Variants in STYK1 observed in about 807,000 individuals in gnomAD.
The protein encoded by STYK1 is STY kinase 1, also known as tyrosine-protein kinase STYK1.
A neutral mutation model predicts 48.1 loss-of-function variants in STYK1; 46 were observed. The ratio of observed to expected loss-of-function variants is 0.96; its 90% CI spans 0.75 to 1.22. The LOEUF is 1.22. Among genes scored for constraint, STYK1 ranks in the 50% most tolerant of loss-of-function variants. The pLI is 0.00. For missense variants in STYK1, 527 were observed against 521.1 expected (o/e 1.01, Z -0.11); for synonymous variants, 188 against 189.0 (o/e 0.99, Z 0.04).
intron 5 of STYK1, 76 bp from the exon 6 acceptor site, chr12:10,629,750 A>G (rs1947401782): frequency 1.9e-6 from 3 of 1,554,894 alleles, no homozygotes; most frequent in Non-Finnish European, 2.6e-6. Context: ...GCAGGAGGCA[A>G]CTTAAGATGT....
intron 1 of STYK1, among the ~76,000 whole-genome samples, chr12:10,645,971 T>C (rs992908042): frequency 1.3e-5 from 2 of 152,234 alleles, no homozygotes; most frequent in Middle Eastern, 3.2e-3. Context: ...TTGTTGCTCC[T>C]TGCCTTCCAC....
intron 1 of STYK1, among the ~76,000 whole-genome samples, chr12:10,649,678 G>T (rs1351134710): frequency 6.6e-6 from 1 of 152,130 alleles, no homozygotes; most frequent in Admixed American, 6.5e-5. Context: ...AAGGAAGAAA[G>T]GCTACAAGGC....
At chr12:10,654,303 A>G (rs918155821) in intron 1 of STYK1, among the ~76,000 whole-genome samples, 5 of 152,202 alleles carry the variant, frequency 3.3e-5, no homozygotes, top group Admixed American at 3.3e-4. Context: ...AGTAGCCCAC[A>G]CTGCTGCTCT....
At chr12:10,626,197 G>A (rs1426469881) in intron 7 of STYK1, among the ~76,000 whole-genome samples, 7 of 152,148 alleles carry the variant, frequency 4.6e-5, no homozygotes, top group Non-Finnish European at 7.4e-5. Context: ...CTTTGAGCTT[G>A]TTAAAAGTAA....
At chr12:10,644,277 A>G (rs1395620511) in intron 1 of STYK1, among the ~76,000 whole-genome samples, 2 of 152,226 alleles carry the variant, frequency 1.3e-5, no homozygotes, top group African/African-American at 4.8e-5. Flanking sequence ...ACATGAGTCT[A>G]TACATGTGAT....
At chr12:10,633,121 G>C (rs1416255821) in intron 4 of STYK1, among the ~76,000 whole-genome samples, 2 of 152,160 alleles carry the variant, frequency 1.3e-5, no homozygotes, top group Non-Finnish European at 2.9e-5. Flanking sequence ...AGTTTTTTCA[G>C]TATTTCAAGA....
intron 1 of STYK1, among the ~76,000 whole-genome samples, chr12:10,647,831 C>A (rs1248487324): frequency 6.6e-6 from 1 of 152,116 alleles, no homozygotes; most frequent in African/African-American, 2.4e-5. Flanking sequence ...AGGGGAGTTT[C>A]CCTGCACAAG....
intron 7 of STYK1, among the ~76,000 whole-genome samples, chr12:10,625,249 G>A (rs970690500): frequency 4.6e-5 from 7 of 151,558 alleles, no homozygotes; most frequent in African/African-American, 1.2e-4. Context: ...AGACAGTCTC[G>A]CTCTGTCACC....
intron 1 of STYK1, among the ~76,000 whole-genome samples, chr12:10,649,643 A>G (rs1416890019): frequency 6.6e-6 from 1 of 152,214 alleles, no homozygotes; most frequent in African/African-American, 2.4e-5. Flanking sequence ...ATTAAGCCTT[A>G]GTTATTTTAT....
chr12:10,663,452 A>T (rs751506582), intron 1 of STYK1, among the ~76,000 whole-genome samples: 24 of 151,904 alleles, frequency 1.6e-4, no homozygotes, highest in Non-Finnish European at 2.9e-4. Flanking sequence ...ACAAAAAATT[A>T]GCCAGGCGCG....
At position 10,672,912 on chromosome 12, in the gene STYK1, G is replaced by C. The variant is rs1000909256; in HGVS notation, c.-195+1054C>G. Reference sequence around the variant, plus strand: ...CAGTGGAGATTCCGGTGCATTGAGGGGGAAAAACCAGGTAGACAGCACAGA... The same window carrying C: ...CAGTGGAGATTCCGGTGCATTGAGGCGGAAAAACCAGGTAGACAGCACAGA... On this transcript the variant is annotated intron_variant, in intron 1 of 10. Transcript: ENST00000075503. This position sits in a 1 kb window ranked among gnomAD's most constrained non-coding sequence, Gnocchi z 4.0. 2.6e-5 allele frequency among the ~76,000 whole-genome samples: 4 copies of C among 152,046 alleles called. No homozygotes were observed. Among genetic ancestry groups the C allele is most frequent in the African/African-American group, 9.7e-5 (4 of 41,360 alleles).
At chr12:10,647,587 TAAG>T (rs34445733) in intron 1 of STYK1, among the ~76,000 whole-genome samples, 6,262 of 152,206 alleles carry the variant, frequency 0.041, 421 homozygotes, top group African/African-American at 0.14. Flanking sequence ...TGAAATGAGT[TAAG>T]ATTTTGGGGG....
At chr12:10,637,458 C>G in intron 1 of STYK1, among the ~76,000 whole-genome samples, 1 of 151,810 alleles carries the variant, frequency 6.6e-6, no homozygotes, top group East Asian at 1.9e-4. Flanking sequence ...CTGCCTCAGC[C>G]TCCCAAGTAG....
chr12:10,628,233 A>T (rs141121136), intron 6 of STYK1, among the ~76,000 whole-genome samples: 1 of 152,222 alleles, frequency 6.6e-6, no homozygotes, highest in Non-Finnish European at 1.5e-5. Flanking sequence ...CAATGGTTAC[A>T]TATCTGTAAG....
chr12:10,630,915 T>C (rs1947419435), intron 5 of STYK1, 130 bp downstream of exon 5: 2 of 1,217,588 alleles, frequency 1.6e-6, no homozygotes, highest in Non-Finnish European at 2.3e-6. Context: ...CTGCCTCAAG[T>C]TTCCACTCTA....
chr12:10,657,572 G>C (rs540951824), intron 1 of STYK1, among the ~76,000 whole-genome samples: 7 of 152,208 alleles, frequency 4.6e-5, no homozygotes, highest in Non-Finnish European at 1.0e-4. Context: ...AGGCAGATCA[G>C]ATAATTAGAT....
intron 1 of STYK1, among the ~76,000 whole-genome samples, chr12:10,666,691 G>C (rs1947836897): frequency 6.6e-6 from 1 of 152,168 alleles, no homozygotes; most frequent in Admixed American, 6.5e-5. Context: ...CTGTTCTCGT[G>C]ATAGGAATAA....
chr12:10,625,064 T>A (rs906830735), intron 7 of STYK1, among the ~76,000 whole-genome samples: 1 of 152,160 alleles, frequency 6.6e-6, no homozygotes, highest in African/African-American at 2.4e-5. Context: ...ATTGAGCAAA[T>A]AATTCAAATG....
At chr12:10,626,017 C>G (rs1339948520) in intron 7 of STYK1, among the ~76,000 whole-genome samples, 2 of 151,956 alleles carry the variant, frequency 1.3e-5, no homozygotes, top group Non-Finnish European at 2.9e-5. Context: ...GACTGAAGAT[C>G]TAGATATTGA....
Sources: allele counts gnomAD v4.1 joint callset (sites outside exome capture counted in the v4.1 genomes callset), GRCh38; gene constraint gnomAD v4.1.1; non-coding constraint Gnocchi (gnomAD v3.1); transcripts MANE v1.5; gene names NCBI Gene and HGNC (gene_info 2026-07-23, HGNC 2026-07-21).